Variants in AXIN1 observed in about 807,000 individuals in gnomAD.
AXIN1 encodes axin 1, also known as axin-1.
AXIN1 carries 30 observed loss-of-function variants against 76.4 expected under a neutral mutation model. The ratio of observed to expected loss-of-function variants is 0.39; its 90% CI spans 0.29 to 0.53. AXIN1 has a LOEUF of 0.53. Among genes scored for constraint, AXIN1 ranks in the 20% least tolerant of loss-of-function variants. The probability of loss-of-function intolerance (pLI) is 0.66; values close to 1 mark genes in which losing one functional copy is unlikely to be tolerated. For synonymous variants in AXIN1, 545 were observed against 501.4 expected (o/e 1.09, Z -1.16); for missense variants, 1,140 against 1,198.8 (o/e 0.95, Z 0.72).
At chr16:291,569 A>G in intron 8 of AXIN1, 1 of 530,308 alleles carries the variant, frequency 1.9e-6, no homozygotes, top group Non-Finnish European at 3.5e-6. Flanking sequence ...GCTTCCGATC[A>G]GGGGTGCTGG....
At position 287,695 on chromosome 16, in the gene AXIN1, G is replaced by A; in HGVS notation, c.*427C>T. The A allele has an allele frequency of 2.9e-6, 1 of 346,938 alleles. No homozygotes were observed. The highest frequency in any genetic ancestry group is 5.4e-6 in the Non-Finnish European group (1 of 183,662). The allele number at this position is 346,938 out of a possible 1,614,324, so 21.5% of individuals were successfully genotyped here. A position where few individuals can be genotyped will look rare whatever the true frequency, so the allele number is the denominator to read the frequency against. On this transcript the variant is annotated 3_prime_UTR_variant, in exon 11 of 11. Coordinates refer to ENST00000262320, the MANE Select transcript of AXIN1 (RefSeq NM_003502.4). ...ACAAGCTGTGTTGAAGGCACTCGGT[G>A]GCGCGTACAATTGACAGAGGCCCTG...
chr16:299,241 T>A (rs2052802248), intron 5 of AXIN1: 1 of 985,250 alleles, frequency 1.0e-6, no homozygotes, highest in Non-Finnish European at 1.2e-6. Context: ...TAATTCCAAG[T>A]TGCATCTCAT....
At chr16:299,250 ATACT>A (rs2052802468) in intron 5 of AXIN1, 1 of 973,896 alleles carries the variant, frequency 1.0e-6, no homozygotes, top group African/African-American at 1.8e-5. Context: ...GTTGCATCTC[ATACT>A]TATTTTCTCA....
At chr16:315,549 C>T (rs989975652) in intron 2 of AXIN1, among the ~76,000 whole-genome samples, 10 of 152,088 alleles carry the variant, frequency 6.6e-5, no homozygotes, top group African/African-American at 1.9e-4. Context: ...TCAGACAGGC[C>T]GGGTGCGGTG....
intron 1 of AXIN1, among the ~76,000 whole-genome samples, chr16:350,781 A>G (rs1435335344): frequency 6.6e-6 from 1 of 152,244 alleles, no homozygotes; most frequent in African/African-American, 2.4e-5. Context: ...TGAAAATCAA[A>G]CAAAAACAGT....
intron 3 of AXIN1, among the ~76,000 whole-genome samples, chr16:310,689 C>T (rs1047085832): frequency 2.6e-5 from 4 of 152,260 alleles, no homozygotes; most frequent in African/African-American, 4.8e-5. Flanking sequence ...GCGCAAGCCA[C>T]GGCGCCCGGC....
intron 2 of AXIN1, 60 bp downstream of exon 2, chr16:346,087 TG>T: frequency 6.4e-7 from 1 of 1,563,208 alleles, no homozygotes; most frequent in Non-Finnish European, 8.8e-7. Context: ...CACCTTTCCC[TG>T]GCTTGTTCTC....
chr16:342,064 G>T (rs1035719357), intron 2 of AXIN1, among the ~76,000 whole-genome samples: 1 of 152,250 alleles, frequency 6.6e-6, no homozygotes, highest in Admixed American at 6.5e-5. Context: ...CTGGCTGCGG[G>T]AGCCAGCAGT....
At chr16:327,424 C>T (rs780525780) in intron 2 of AXIN1, among the ~76,000 whole-genome samples, 4 of 152,244 alleles carry the variant, frequency 2.6e-5, no homozygotes, top group East Asian at 3.9e-4. Context: ...CTCAGCCCTG[C>T]GGCCTGTGCC....
intron 2 of AXIN1, among the ~76,000 whole-genome samples, chr16:318,900 C>CA (rs1567285192): frequency 6.6e-6 from 1 of 151,844 alleles, no homozygotes; most frequent in African/African-American, 2.4e-5. Flanking sequence ...AGAATGCAGC[C>CA]GGGGCCTTGG....
At chr16:321,118 T>A (rs193021435) in intron 2 of AXIN1, among the ~76,000 whole-genome samples, 6 of 152,096 alleles carry the variant, frequency 3.9e-5, no homozygotes, top group Non-Finnish European at 1.5e-5. Flanking sequence ...TGGAGGTAGA[T>A]CTGGCCCTGG....
chr16:300,710 C>T (rs928321661), intron 5 of AXIN1, among the ~76,000 whole-genome samples: 8 of 152,160 alleles, frequency 5.3e-5, no homozygotes, highest in Non-Finnish European at 2.9e-5. Flanking sequence ...GGGTGGTGGG[C>T]ATCCCCTGGC....
At chr16:317,584 C>T (rs1208024413) in intron 2 of AXIN1, among the ~76,000 whole-genome samples, 1 of 152,162 alleles carries the variant, frequency 6.6e-6, no homozygotes, top group Non-Finnish European at 1.5e-5. Flanking sequence ...AACCATGGGG[C>T]CGCTCTTGGG....
chr16:327,947 T>G (rs1171034091), intron 2 of AXIN1, among the ~76,000 whole-genome samples: 3 of 152,212 alleles, frequency 2.0e-5, no homozygotes, highest in Admixed American at 2.0e-4. Flanking sequence ...TCTGTGAGAC[T>G]CTAAACAAAT....
At chr16:326,861 C>A (rs1425095107) in intron 2 of AXIN1, among the ~76,000 whole-genome samples, 1 of 152,066 alleles carries the variant, frequency 6.6e-6, no homozygotes, top group Non-Finnish European at 1.5e-5. Flanking sequence ...CCAGCACTGG[C>A]CGGGTGTGGT....
intron 2 of AXIN1, among the ~76,000 whole-genome samples, chr16:331,470 C>T (rs1336458356): frequency 6.6e-6 from 1 of 152,154 alleles, no homozygotes; most frequent in Non-Finnish European, 1.5e-5. Flanking sequence ...GAAAGAAACA[C>T]TCTGAGGCAG....
At position 297,849 on chromosome 16, in the gene AXIN1, C is replaced by T. The variant is rs772146771; in HGVS notation, c.1657G>A (p.Glu553Lys). Residue 553 changes from glutamate to lysine, a missense_variant, in exon 6 of 11, where the codon GAG (glutamate) becomes AAG (lysine). Physicochemically the swap from Glu to Lys is moderately conservative, Grantham distance 56. This residue lies in a region of AXIN1 where 708 missense variants were observed against 776.9 expected (regional missense o/e 0.91). Coordinates refer to ENST00000262320, the MANE Select transcript of AXIN1 (RefSeq NM_003502.4). ...TARPKEQVEA[E>K]ATRRAQSSFA... is the part of the protein sequence containing the mutation. ...CTGCTCTGGGCCCTGCGGGTGGCCT[C>T]GGCCTCCACCTGCTCCTTGGGCCGG... 6 of 1,578,022 alleles carry T rather than the reference C, an allele frequency of 3.8e-6. No homozygotes were observed. The highest frequency in any genetic ancestry group is 1.2e-5 in the South Asian group (1 of 85,812).
At chr16:305,597 G>T (rs1033995953) in intron 4 of AXIN1, among the ~76,000 whole-genome samples, 1 of 152,246 alleles carries the variant, frequency 6.6e-6, no homozygotes, top group African/African-American at 2.4e-5. Flanking sequence ...AGGCTGGAGT[G>T]TAGTGGCGCG....
At chr16:341,513 G>A (rs944193496) in intron 2 of AXIN1, among the ~76,000 whole-genome samples, 5 of 152,242 alleles carry the variant, frequency 3.3e-5, no homozygotes, top group African/African-American at 1.2e-4. Flanking sequence ...GGCAGGGCTC[G>A]GGAGCTGCAG....
Sources: gnomAD v4.1 joint callset for allele counts (sites outside exome capture counted in the v4.1 genomes callset) on GRCh38, gnomAD v4.1.1 for gene constraint, gnomAD v4.1.1 regional missense constraint, MANE v1.5 for transcripts, NCBI Gene and HGNC (gene_info 2026-07-23, HGNC 2026-07-21) for gene names.